Variants in SPOP observed in about 807,000 individuals in gnomAD.
SPOP encodes speckle-type POZ protein.
SPOP carries 11 observed loss-of-function variants against 45.6 expected under a neutral mutation model. The ratio of observed to expected loss-of-function variants is 0.24; its 90% CI spans 0.15 to 0.40. The LOEUF is 0.40. SPOP is among the 10% of genes least tolerant of loss of function. SPOP has a pLI of 1.00. For missense variants in SPOP, 152 were observed against 465.6 expected, an observed-to-expected ratio of 0.33 and a Z score of 6.20; for synonymous variants, 166 against 166.3, an observed-to-expected ratio of 1.00 and a Z score of 0.01.
chr17:49,629,903 T>C (rs1027986081), intron 1 of SPOP, among the ~76,000 whole-genome samples: 1 of 152,216 alleles, frequency 6.6e-6, no homozygotes, highest in Admixed American at 6.5e-5. Flanking sequence ...TGTGAAGATA[T>C]TAGATTGAAT....
At chr17:49,664,994 A>G (rs73333402) in intron 1 of SPOP, among the ~76,000 whole-genome samples, 194 of 151,426 alleles carry the variant, frequency 1.3e-3, no homozygotes, top group African/African-American at 4.5e-3. Flanking sequence ...GGCATCAGAA[A>G]CTCTTTTATA....
chr17:49,656,908 G>T (rs150492357), intron 1 of SPOP, among the ~76,000 whole-genome samples: 1 of 152,134 alleles, frequency 6.6e-6, no homozygotes, highest in Non-Finnish European at 1.5e-5. Context: ...TAGGCCAGGC[G>T]CAGTGGCTCA....
chr17:49,620,700 G>C (rs1210208073), intron 3 of SPOP: 1 of 154,104 alleles, frequency 6.5e-6, no homozygotes, highest in African/African-American at 2.4e-5. Flanking sequence ...ACAAAATTCA[G>C]ACAGAATAGG....
chr17:49,657,169 C>T (rs1448471732), intron 1 of SPOP, among the ~76,000 whole-genome samples: 1 of 151,082 alleles, frequency 6.6e-6, no homozygotes, highest in Non-Finnish European at 1.5e-5. Context: ...GCACTCCAGC[C>T]TGGGCGACAG....
At chr17:49,614,558 T>C (rs1169135579) in intron 5 of SPOP, among the ~76,000 whole-genome samples, 4 of 152,166 alleles carry the variant, frequency 2.6e-5, no homozygotes, top group Non-Finnish European at 5.9e-5. Context: ...TACAGGTTAG[T>C]TCCAAGTTAT....
intron 1 of SPOP, among the ~76,000 whole-genome samples, chr17:49,626,498 C>G (rs1409641487): frequency 6.6e-6 from 1 of 152,070 alleles, no homozygotes; most frequent in African/African-American, 2.4e-5. Flanking sequence ...AGTTCGAGAT[C>G]AGCCTGGCCA....
At chr17:49,674,408 T>A (rs2073174850) in intron 1 of SPOP, among the ~76,000 whole-genome samples, 1 of 152,206 alleles carries the variant, frequency 6.6e-6, no homozygotes, top group Admixed American at 6.5e-5. Flanking sequence ...TCTGTTCAGG[T>A]TTTCTATTTC....
chr17:49,647,192 A>G, intron 1 of SPOP, among the ~76,000 whole-genome samples: 1 of 151,812 alleles, frequency 6.6e-6, no homozygotes, highest in East Asian at 1.9e-4. Context: ...GCTAATCGGA[A>G]GGCTGAGCGG....
intron 1 of SPOP, among the ~76,000 whole-genome samples, chr17:49,657,767 C>T (rs907398369): frequency 4.4e-5 from 6 of 136,450 alleles, no homozygotes; most frequent in Admixed American, 3.2e-4. Flanking sequence ...GTGGCGTGAT[C>T]GCGGCTCACT....
At chr17:49,663,563 C>A (rs1407004156) in intron 1 of SPOP, among the ~76,000 whole-genome samples, 1 of 152,140 alleles carries the variant, frequency 6.6e-6, no homozygotes, top group Non-Finnish European at 1.5e-5. Flanking sequence ...TAAATCTAAA[C>A]CCTTGAGTGT....
chr17:49,604,677 G>A (rs1276239831), intron 8 of SPOP, among the ~76,000 whole-genome samples: 1 of 152,012 alleles, frequency 6.6e-6, no homozygotes, highest in Non-Finnish European at 1.5e-5. Flanking sequence ...CCATCCTCAC[G>A]CCAACTCTAC....
At position 49,619,128 on chromosome 17, in the gene SPOP, A is replaced by G. The variant is rs2143265608; in HGVS notation, c.353-20T>C. ...GACTCTCTGGGGTGGGGAAAAAAAA[A>G]GTCATATTTAAGGTTACGCAAAAAC... On this transcript the variant is annotated intron_variant, in intron 4 of 9. Transcript: ENST00000504102. This position sits in a 1 kb window ranked among gnomAD's most constrained non-coding sequence, Gnocchi z 4.9. 1.2e-6 allele frequency: 2 copies of G among 1,613,390 alleles called. No individual in the cohort carries two copies. Among genetic ancestry groups the G allele is most frequent in the East Asian group, 4.5e-5 (2 of 44,884 alleles).
intron 1 of SPOP, among the ~76,000 whole-genome samples, chr17:49,676,528 C>A (rs1306000682): frequency 6.6e-6 from 1 of 152,144 alleles, no homozygotes; most frequent in Non-Finnish European, 1.5e-5. Flanking sequence ...AGAAGAACAT[C>A]AAAGAATACA....
chr17:49,632,327 G>A (rs1417717032), intron 1 of SPOP, among the ~76,000 whole-genome samples: 3 of 152,146 alleles, frequency 2.0e-5, no homozygotes, highest in Non-Finnish European at 4.4e-5. Context: ...CCAAGAAAAC[G>A]GAAGAAAAGG....
At chr17:49,670,780 G>A (rs1470066835) in intron 1 of SPOP, among the ~76,000 whole-genome samples, 1 of 152,166 alleles carries the variant, frequency 6.6e-6, no homozygotes, top group Non-Finnish European at 1.5e-5. Flanking sequence ...AGTTAAGACA[G>A]CTAGATATCA....
intron 1 of SPOP, among the ~76,000 whole-genome samples, chr17:49,657,766 T>C (rs2143517916): frequency 6.9e-6 from 1 of 145,246 alleles, no homozygotes; most frequent in African/African-American, 2.5e-5. Context: ...AGTGGCGTGA[T>C]CGCGGCTCAC....
intron 1 of SPOP, among the ~76,000 whole-genome samples, chr17:49,656,109 G>A (rs764563380): frequency 6.6e-6 from 1 of 152,126 alleles, no homozygotes; most frequent in Non-Finnish European, 1.5e-5. Context: ...ACCGTGCCCA[G>A]CCAGGTATTC....
intron 1 of SPOP, among the ~76,000 whole-genome samples, chr17:49,640,075 C>T (rs549582514): frequency 1.6e-4 from 24 of 151,990 alleles, no homozygotes; most frequent in African/African-American, 5.5e-4. Flanking sequence ...CATGGTGAAA[C>T]ACCATCTCTA....
chr17:49,673,378 C>A (rs1330841303), intron 1 of SPOP, among the ~76,000 whole-genome samples: 1 of 151,504 alleles, frequency 6.6e-6, no homozygotes, highest in Non-Finnish European at 1.5e-5. Flanking sequence ...TGGTGGCGGG[C>A]GCCTGTAGTC....
Sources: gnomAD v4.1 joint callset for allele counts (sites outside exome capture counted in the v4.1 genomes callset) on GRCh38, gnomAD v4.1.1 for gene constraint, Gnocchi (gnomAD v3.1) non-coding constraint, MANE v1.5 for transcripts, NCBI Gene and HGNC (gene_info 2026-07-23, HGNC 2026-07-21) for gene names.